Variants in PTK2B observed in about 807,000 individuals in gnomAD.
The protein encoded by PTK2B is protein-tyrosine kinase 2-beta.
A neutral mutation model predicts 142.9 loss-of-function variants in PTK2B; 71 were observed. That is an observed-to-expected ratio of 0.50 (90% confidence interval 0.41 to 0.61). PTK2B has a LOEUF of 0.61. Ranked by LOEUF, PTK2B falls within the 20% of genes least tolerant of loss-of-function variation. The pLI, the probability that PTK2B is intolerant of heterozygous loss-of-function variation, is 0.00. For missense variants in PTK2B, 1,105 were observed against 1,320.4 expected (o/e 0.84, Z 2.53); for synonymous variants, 519 against 503.4 (o/e 1.03, Z -0.42).
Position 27,453,135 on chromosome 8 carries a change from A to G in PTK2B, c.2570A>G (p.Gln857Arg), listed in dbSNP as rs1180426328. The G allele has an allele frequency of 6.2e-7, 1 of 1,614,186 alleles. No homozygotes were observed. The highest frequency in any genetic ancestry group is 1.7e-5 in the Admixed American group (1 of 60,014). ...GCAGTGGAGTTCACAGGGCCCCCAC[A>G]GAAGCCCCCGAGGCTGGGCGCACAG... Reference protein sequence around the residue: ...VGYLEFTGPPQKPPRLGAQSI... With the variant: ...VGYLEFTGPPRKPPRLGAQSI... The change falls in exon 28 of 31, where the codon CAG (glutamine) becomes CGG (arginine). Residue 857 changes from glutamine (Q) to arginine (R), a missense_variant. Physicochemically the swap from Gln to Arg is conservative, Grantham distance 43 (BLOSUM62 1). Coordinates refer to ENST00000346049, the MANE Select transcript of PTK2B (RefSeq NM_173176.3).
At chr8:27,451,825 A>C in intron 27 of PTK2B, 2 of 1,182,362 alleles carry the variant, frequency 1.7e-6, no homozygotes, top group African/African-American at 1.6e-5. Flanking sequence ...GCTCTGTTGG[A>C]AGCTCCCGTG....
intron 1 of PTK2B, among the ~76,000 whole-genome samples, chr8:27,368,116 G>A (rs1186139692): frequency 6.6e-6 from 1 of 152,260 alleles, no homozygotes; most frequent in Non-Finnish European, 1.5e-5. Context: ...ACGCCAGATG[G>A]CCTAGGACCG....
chr8:27,432,243 C>T lies in PTK2B; in HGVS notation c.886-17C>T. On this transcript the variant is annotated splice_polypyrimidine_tract_variant and intron_variant, in intron 9 of 30. Coordinates refer to ENST00000346049, the MANE Select transcript of PTK2B (RefSeq NM_173176.3). ...TGGTAGTGGGATGGTCTGAAGCTCCCCCTTCTTTTCCCACAGCCCACCTGC... is the reference window on the plus strand; with the variant it reads ...TGGTAGTGGGATGGTCTGAAGCTCCTCCTTCTTTTCCCACAGCCCACCTGC... The T allele has an allele frequency of 6.2e-7, 1 of 1,612,592 alleles. No individual in the cohort carries two copies. The highest frequency in any genetic ancestry group is 8.5e-7 in the Non-Finnish European group (1 of 1,179,126).
At position 27,440,148 on chromosome 8, in the gene PTK2B, G is replaced by A. The variant is rs1563291889; in HGVS notation, c.1835-89G>A. 4.4e-6 allele frequency: 6 copies of A among 1,359,102 alleles called. No homozygotes were observed. The East Asian group carries it at 1.2e-4, about 26-fold the overall frequency. 84.2% of individuals were successfully genotyped at this position (1,359,102 alleles called of 1,614,324 possible). A position where few individuals can be genotyped will look rare whatever the true frequency, so the allele number is the denominator to read the frequency against. ...GGAGGGACCGCAGGAGCTGCTCCTG[G>A]TGGAGACTGAGTGCTAATGGCGATG... On this transcript the variant is annotated intron_variant, in intron 20 of 30. Coordinates refer to ENST00000346049, the MANE Select transcript of PTK2B (RefSeq NM_173176.3).
intron 2 of PTK2B, among the ~76,000 whole-genome samples, chr8:27,401,286 G>A (rs1563254309): frequency 6.6e-6 from 1 of 152,174 alleles, no homozygotes. Context: ...CAGGAGAACA[G>A]AATCTGAGGA....
At chr8:27,397,208 G>A (rs564533362) in intron 1 of PTK2B, among the ~76,000 whole-genome samples, 9 of 152,286 alleles carry the variant, frequency 5.9e-5, no homozygotes, top group African/African-American at 2.2e-4. Flanking sequence ...AGCTGTGACC[G>A]CCTTCTCTCA....
intron 1 of PTK2B, among the ~76,000 whole-genome samples, chr8:27,394,692 T>C (rs955734307): frequency 6.6e-6 from 1 of 152,264 alleles, no homozygotes; most frequent in African/African-American, 2.4e-5. Context: ...GTTTTTACTT[T>C]ATAAACTTTT....
At position 27,457,203 on chromosome 8, in the gene PTK2B, C is replaced by T. The variant is rs573345096; in HGVS notation, c.2815-1091C>T. ...TGCCTGTCTTCAAAGCTTCAAAGGACAGGCTGACTCTCTTGTTAGGGGCTA... is the reference window on the plus strand; with the variant it reads ...TGCCTGTCTTCAAAGCTTCAAAGGATAGGCTGACTCTCTTGTTAGGGGCTA... On this transcript the variant is annotated intron_variant, in intron 30 of 30. Transcript: ENST00000346049. 2.0e-5 allele frequency among the ~76,000 whole-genome samples: 3 copies of T among 152,338 alleles called. No individual in the cohort carries two copies. The South Asian group carries it at 6.2e-4, about 32-fold the overall frequency.
intron 1 of PTK2B, among the ~76,000 whole-genome samples, chr8:27,336,038 A>G (rs1055477883): frequency 1.3e-5 from 2 of 152,064 alleles, no homozygotes; most frequent in African/African-American, 4.8e-5. Flanking sequence ...CTCATTGTGT[A>G]TGTGTCATGG....
At position 27,442,880 on chromosome 8, in the gene PTK2B, T is replaced by C. The variant is rs1373857493; in HGVS notation, c.2045T>C (p.Val682Ala). 20 of 1,613,650 alleles carry C rather than the reference T, an allele frequency of 1.2e-5. No homozygotes were observed. The South Asian group carries it at 2.2e-4, about 18-fold the overall frequency. The change falls in exon 22 of 31, where the codon GTT becomes GCT. Residue 682 changes from valine (V) to alanine (A), a missense_variant. Transcript: ENST00000346049. ...TCTGACGTGACTCCCTGCAGTGACG[T>C]TTATCAGATGGAGAAGGACATTGCC... The part of the protein sequence containing the change: ...FTELVCSLSD[V>A]YQMEKDIAME...
intron 1 of PTK2B, among the ~76,000 whole-genome samples, chr8:27,339,194 T>G (rs1208503761): frequency 6.6e-6 from 1 of 152,238 alleles, no homozygotes; most frequent in Non-Finnish European, 1.5e-5. Flanking sequence ...ATTGCAGGCC[T>G]TGGTCCAGAG....
chr8:27,405,035 C>CTCTCTCTCTCTCTCTCTCTCTCT (rs3076735), intron 2 of PTK2B, among the ~76,000 whole-genome samples: 1 of 119,642 alleles, frequency 8.4e-6, no homozygotes, highest in African/African-American at 3.5e-5. Flanking sequence ...TCTTTCTCTT[C>CTCTCTCTCTCTCTCTCTCTCTCT]CTCTCTCTCT....
At chr8:27,429,954 A>G (rs972656828) in intron 5 of PTK2B, 139 bp from the exon 6 acceptor site, 1 of 784,156 alleles carries the variant, frequency 1.3e-6, no homozygotes, top group Non-Finnish European at 2.2e-6. Flanking sequence ...ACTAAATTTT[A>G]TGACTCTCCT....
chr8:27,365,230 C>T (rs562819688), intron 1 of PTK2B, among the ~76,000 whole-genome samples: 21 of 152,308 alleles, frequency 1.4e-4, no homozygotes, highest in African/African-American at 4.3e-4. Context: ...TATTTGATGG[C>T]GATATCTGTC....
intron 3 of PTK2B, among the ~76,000 whole-genome samples, chr8:27,319,643 CAAAAAAAAAAA>C (rs35156739): frequency 1.1e-4 from 10 of 89,236 alleles, no homozygotes; most frequent in Middle Eastern, 7.2e-3. Context: ...GACTCTGTCT[CAAAAAAAAAAA>C]AAAAAAAAAA....
At chr8:27,397,418 G>T in intron 1 of PTK2B, 130 bp from the exon 2 acceptor site, 1 of 708,762 alleles carries the variant, frequency 1.4e-6, no homozygotes, top group Non-Finnish European at 2.4e-6. Flanking sequence ...TTGCAGGGGA[G>T]CTTTTGGGAA....
At chr8:27,425,985 C>A (rs565018166) in intron 5 of PTK2B, among the ~76,000 whole-genome samples, 2 of 152,224 alleles carry the variant, frequency 1.3e-5, no homozygotes, top group East Asian at 3.9e-4. Context: ...GAAATCAGTA[C>A]CTGCCCAGTT....
At chr8:27,416,815 A>G (rs1485121489) in intron 2 of PTK2B, among the ~76,000 whole-genome samples, 2 of 152,246 alleles carry the variant, frequency 1.3e-5, no homozygotes, top group Admixed American at 6.5e-5. Flanking sequence ...CAACCACTTT[A>G]CAGAGGAAGG....
chr8:27,322,856 G>T (rs1803252296), upstream of PTK2B: 1 of 140,374 alleles, frequency 7.1e-6, no homozygotes, highest in African/African-American at 3.3e-5. Context: ...TGGCAGTCAA[G>T]CTTTCCAGGA....
Sources: gnomAD v4.1 joint callset for allele counts (sites outside exome capture counted in the v4.1 genomes callset) on GRCh38, gnomAD v4.1.1 for gene constraint, MANE v1.5 for transcripts, NCBI Gene and HGNC (gene_info 2026-07-23, HGNC 2026-07-21) for gene names.